The following CDKL5 variants were observed in gnomAD, a reference collection of about 807,000 sequenced individuals.
CDKL5 encodes cyclin-dependent kinase-like 5.
A neutral mutation model predicts 61.7 loss-of-function variants in CDKL5; 8 were observed. That is an observed-to-expected ratio of 0.13 (90% confidence interval 0.08 to 0.23). The LOEUF is 0.23. Ranked by LOEUF, CDKL5 falls within the 10% of genes least tolerant of loss-of-function variation. The pLI, the probability that CDKL5 is intolerant of heterozygous loss-of-function variation, is 1.00. For synonymous variants in CDKL5, 275 were observed against 272.3 expected, an observed-to-expected ratio of 1.01 and a Z score of -0.10; for missense variants, 440 against 734.5, an observed-to-expected ratio of 0.60 and a Z score of 4.63.
At chrX:18,612,715 G>A (rs1277550829) in intron 14 of CDKL5, among the ~76,000 whole-genome samples, 1 of 109,702 alleles carries the variant, frequency 9.1e-6, no homozygotes, top group Non-Finnish European at 1.9e-5. Context: ...TCAGCTGGCA[G>A]GTCAGTTTAC....
chrX:18,590,191 T>G (rs2147150106), intron 9 of CDKL5, among the ~76,000 whole-genome samples: 1 of 111,805 alleles, frequency 8.9e-6, no homozygotes, highest in South Asian at 3.8e-4. Context: ...CTTTTGGTGT[T>G]TTAGTCATGA....
chrX:18,556,929 G>A (rs1924625818), intron 3 of CDKL5, among the ~76,000 whole-genome samples: 1 of 104,692 alleles, frequency 9.6e-6, no homozygotes, highest in South Asian at 4.3e-4. Flanking sequence ...CTTGATCTTA[G>A]CCAGAAGGCT....
chrX:18,545,052 AC>A (rs1440439277), intron 3 of CDKL5, among the ~76,000 whole-genome samples: 1 of 110,580 alleles, frequency 9.0e-6, no homozygotes, highest in Non-Finnish European at 1.9e-5. Flanking sequence ...ACATAGGGAG[AC>A]CCTGTCTCTA....
chrX:18,503,347 C>G (rs1922456862), intron 1 of CDKL5, among the ~76,000 whole-genome samples: 1 of 111,652 alleles, frequency 9.0e-6, no homozygotes, highest in Non-Finnish European at 1.9e-5. Flanking sequence ...CCACATGCAG[C>G]TAATTTTTAT....
intron 3 of CDKL5, among the ~76,000 whole-genome samples, chrX:18,526,549 C>T (rs1209170438): frequency 1.8e-5 from 2 of 111,545 alleles, no homozygotes; most frequent in Non-Finnish European, 3.8e-5. Flanking sequence ...CGTGCAGTTT[C>T]TTACTGTTAA....
At chrX:18,520,625 G>GT (rs1249793490) in intron 3 of CDKL5, among the ~76,000 whole-genome samples, 4 of 112,045 alleles carry the variant, frequency 3.6e-5, no homozygotes, top group Non-Finnish European at 7.5e-5. Context: ...GAAATGCCAT[G>GT]TTTAATTTTT....
chrX:18,507,446 C>CTTTT lies in CDKL5; in HGVS notation c.64+302_64+305dup, dbSNP rs200439467. Among the ~76,000 whole-genome samples, 13 of 72,349 alleles carry CTTTT rather than the reference C, an allele frequency of 1.8e-4. No individual in the cohort carries two copies. In the South Asian group the frequency reaches 4.9e-3, roughly 27 times the overall value. 62.8% of individuals were successfully genotyped at this position (72,349 alleles called of 115,157 possible). A position where few individuals can be genotyped will look rare whatever the true frequency, so the allele number is the denominator to read the frequency against. The stretch of plus-strand genomic sequence containing the variant: ...TGTTACAACAGTCTTTGCCTTCATT[C>CTTTT]TTTTTTTTTTTTTTTTTTTAGCAAT... On this transcript the variant is annotated intron_variant, in intron 2 of 17. Coordinates refer to ENST00000623535, the MANE Select transcript of CDKL5 (RefSeq NM_001323289.2).
At chrX:18,643,818 T>C (rs1488198892), downstream of CDKL5, among the ~76,000 whole-genome samples, 8 of 108,197 alleles carry the variant, frequency 7.4e-5, no homozygotes. Context: ...AATTCATTTT[T>C]ATTCATAGCA....
chrX:18,576,079 A>T (rs1390954655), intron 5 of CDKL5, among the ~76,000 whole-genome samples: 1 of 112,141 alleles, frequency 8.9e-6, no homozygotes, highest in East Asian at 2.8e-4. Context: ...CAATTTTAAT[A>T]ACATGACCTA....
rs186347105 is a variant in CDKL5, at chrX:18,541,825, T to G, written c.100-22652T>G. ...GTGAACCACCATGCCTGGCCTAAAG[T>G]TTTTTTTTTGTATCTTCTATTAATT... On this transcript the variant is annotated intron_variant, in intron 3 of 17. Coordinates refer to ENST00000623535, the MANE Select transcript of CDKL5 (RefSeq NM_001323289.2). Among the ~76,000 whole-genome samples, 272 of 107,860 alleles carry G rather than the reference T, an allele frequency of 2.5e-3. 3 individuals are homozygous for G. The highest frequency in any genetic ancestry group is 8.4e-3 in the African/African-American group (252 of 29,869). The allele number at this position is 107,860 out of a possible 115,157, so 93.7% of individuals were successfully genotyped here. A position where few individuals can be genotyped will look rare whatever the true frequency, so the allele number is the denominator to read the frequency against.
rs192094386 is a variant in CDKL5 at position 18,620,741 on chromosome X, C to T, written c.2376+775C>T. ...CAAGGCTAAACAAGGTAGAGTTAGC[C>T]GTTTTTATTTATTTATTTATTTTAG... is the stretch of plus-strand genomic sequence containing the variant. On this transcript the variant is annotated intron_variant, in intron 16 of 17. Coordinates refer to ENST00000623535, the MANE Select transcript of CDKL5 (RefSeq NM_001323289.2). Among the ~76,000 whole-genome samples the T allele has an allele frequency of 3.5e-3, 387 of 110,836 alleles. 2 individuals are homozygous for T. In the Middle Eastern group the frequency reaches 0.046, roughly 13 times the overall value.
chrX:18,634,857 A>G lies in CDKL5; in HGVS notation c.*6100A>G, dbSNP rs1927338990. ...TAGCTAACTATTCAGAGCTTCTTCAATCTCTAGTAAGCTTGAAGGTGGTGT... is the reference window on the plus strand; with the variant it reads ...TAGCTAACTATTCAGAGCTTCTTCAGTCTCTAGTAAGCTTGAAGGTGGTGT... On this transcript the variant is annotated 3_prime_UTR_variant, in exon 18 of 18. Transcript: ENST00000623535. 1 of 750,601 alleles carries G rather than the reference A, an allele frequency of 1.3e-6. No homozygotes were observed. Among genetic ancestry groups the G allele is most frequent in the Non-Finnish European group, 1.6e-6 (1 of 637,615 alleles). The allele number at this position is 750,601 out of a possible 1,213,427, so 61.9% of individuals were successfully genotyped here.
chrX:18,623,847 TG>T (rs1424382689), intron 16 of CDKL5: 15 of 727,772 alleles, frequency 2.1e-5, no homozygotes, highest in Middle Eastern at 7.9e-4. Flanking sequence ...TTTTTTTTTT[TG>T]CAATTAGTTT....
In CDKL5 at chrX:18,635,441, G is replaced by A. The variant is rs1424257902; in HGVS notation, c.*6684G>A. ...CCAATCTTGAGCACTGTGGTCCTTC[G>A]TGTTTGAACTGCGAACAGCTCCATT... On this transcript the variant is annotated 3_prime_UTR_variant, in exon 18 of 18. Coordinates refer to ENST00000623535, the MANE Select transcript of CDKL5 (RefSeq NM_001323289.2). 18 of 753,967 alleles carry A rather than the reference G, an allele frequency of 2.4e-5. No homozygotes were observed. Among genetic ancestry groups the A allele is most frequent in the South Asian group, 6.7e-5 (1 of 14,841 alleles). The allele number at this position is 753,967 out of a possible 1,213,427, so 62.1% of individuals were successfully genotyped here.
intron 6 of CDKL5, among the ~76,000 whole-genome samples, chrX:18,581,237 A>T (rs775572019): frequency 2.0e-4 from 22 of 111,731 alleles, no homozygotes; most frequent in African/African-American, 7.1e-4. Context: ...CAATTGCGAG[A>T]TGCCTCCCAA....
At chrX:18,610,287 G>A (rs777846061) in intron 14 of CDKL5, among the ~76,000 whole-genome samples, 1 of 112,445 alleles carries the variant, frequency 8.9e-6, no homozygotes, top group South Asian at 3.7e-4. Context: ...CCCTCCTCTG[G>A]CCTGTAATGT....
chrX:18,520,446 C>T (rs913841299), intron 3 of CDKL5, among the ~76,000 whole-genome samples: 2 of 111,895 alleles, frequency 1.8e-5, no homozygotes, highest in African/African-American at 3.2e-5. Flanking sequence ...GATACTGTTT[C>T]GTGTTGTATG....
intron 21 of CDKL5, among the ~76,000 whole-genome samples, chrX:18,651,469 A>G (rs768093348): frequency 3.2e-4 from 35 of 110,928 alleles, no homozygotes; most frequent in Non-Finnish European, 5.3e-4. Flanking sequence ...CGCAGCAGAG[A>G]GGGACCTGAT....
chrX:18,595,311 C>T, intron 9 of CDKL5, 37 bp from the exon 10 acceptor site: 1 of 1,005,077 alleles, frequency 9.9e-7, no homozygotes, highest in African/African-American at 1.9e-5. Context: ...CATGTCCTTC[C>T]CCAAATGTTA....
Sources: gnomAD v4.1 joint callset for allele counts (sites outside exome capture counted in the v4.1 genomes callset) on GRCh38, gnomAD v4.1.1 for gene constraint, MANE v1.5 for transcripts, NCBI Gene and HGNC (gene_info 2026-07-23, HGNC 2026-07-21) for gene names.